The following SLC8B1 variants were observed in gnomAD, a reference collection of about 807,000 sequenced individuals.
The protein encoded by SLC8B1 is mitochondrial sodium/calcium exchanger protein.
In SLC8B1, 52 loss-of-function variants were observed where a neutral mutation model predicts 63.4. The ratio of observed to expected loss-of-function variants is 0.82; its 90% CI spans 0.66 to 1.03. The LOEUF (loss-of-function observed/expected upper bound fraction) is 1.03, where lower values mean the gene tolerates loss of function less well. SLC8B1 is among the 50% of genes least tolerant of loss of function. The pLI is 0.00. For synonymous variants in SLC8B1, 336 were observed against 323.9 expected (o/e 1.04, Z -0.40); for missense variants, 657 against 741.7 (o/e 0.89, Z 1.33).
rs78468550 is a variant in SLC8B1, at chr12:113,299,180, G to A, written c.*597C>T. ...TGGGTTCAGTGAAGTGTGTTGCCACGAATAGCACCCGCTGCTTTTGGCTTT... is the reference window on the plus strand; with the variant it reads ...TGGGTTCAGTGAAGTGTGTTGCCACAAATAGCACCCGCTGCTTTTGGCTTT... On this transcript the variant is annotated 3_prime_UTR_variant, in exon 16 of 16. Coordinates refer to ENST00000680972, the MANE Select transcript of SLC8B1 (RefSeq NM_001358345.2). 0.16 allele frequency: 25,372 copies of A among 156,150 alleles called. 2,533 individuals are homozygous for A. Among genetic ancestry groups the A allele is most frequent in the African/African-American group, 0.28 (11,848 of 41,584 alleles). The allele number at this position is 156,150 out of a possible 1,614,324, so 9.7% of individuals were successfully genotyped here.
At chr12:113,324,186 G>A (rs527411071) in intron 2 of SLC8B1, among the ~76,000 whole-genome samples, 8 of 151,996 alleles carry the variant, frequency 5.3e-5, no homozygotes, top group South Asian at 4.2e-4. Flanking sequence ...GGTGGCACAC[G>A]CCTGTGGTTC....
At chr12:113,322,957 A>G (rs115833112) in intron 2 of SLC8B1, among the ~76,000 whole-genome samples, 168 of 152,248 alleles carry the variant, frequency 1.1e-3, no homozygotes, top group African/African-American at 4.0e-3. Flanking sequence ...CTCAAAAGAA[A>G]AAAATAAAAG....
At chr12:113,308,192 C>T (rs1040190371) in intron 12 of SLC8B1, 1 of 216,086 alleles carries the variant, frequency 4.6e-6, no homozygotes, top group Non-Finnish European at 9.4e-6. Flanking sequence ...ACTAAAAATA[C>T]AAAAATTAGT....
intron 12 of SLC8B1, 173 bp from the exon 13 acceptor site, chr12:113,308,017 C>G (rs888958961): frequency 2.8e-6 from 2 of 724,886 alleles, no homozygotes; most frequent in Admixed American, 6.9e-5. Context: ...CTCAATAAAA[C>G]GTGAGTTCAA....
rs367763043 is a variant in SLC8B1 at position 113,299,992 on chromosome 12, G to A, written c.1558-18C>T. The stretch of plus-strand genomic sequence containing the variant: ...GGCTCCAGCTGTGGAAGAATGAGGG[G>A]AGAGAGGCTGAGTCACTGCCCGTCA... On this transcript the variant is annotated intron_variant, in intron 15 of 15. Transcript: ENST00000680972. 13 of 1,609,702 alleles carry A rather than the reference G, an allele frequency of 8.1e-6. No individual in the cohort carries two copies. The Middle Eastern group carries it at 6.2e-4, about 77-fold the overall frequency.
rs900821261 is a variant in SLC8B1, at chr12:113,316,437, C to T, written c.993+89G>A. 4.0e-6 allele frequency: 6 copies of T among 1,505,888 alleles called. No individual in the cohort carries two copies. In the Admixed American group the frequency reaches 1.2e-4, roughly 30 times the overall value. The allele number at this position is 1,505,888 out of a possible 1,614,324, so 93.3% of individuals were successfully genotyped here. On this transcript the variant is annotated intron_variant, in intron 10 of 15. Transcript: ENST00000680972. ...TGAGAGGGTCTCAGTGGACCCCAGG[C>T]CCTCCCCCTCGTAGAGCTGGAGAGG...
chr12:113,308,144 C>T (rs946665576), intron 12 of SLC8B1: 5 of 235,604 alleles, frequency 2.1e-5, no homozygotes, highest in African/African-American at 1.2e-4. Context: ...GTCAGGAGTT[C>T]GAGACCAACT....
In SLC8B1 at chr12:113,306,507, C is replaced by T. The variant is rs766152340; in HGVS notation, c.1480G>A (p.Gly494Ser). 1.1e-5 allele frequency: 17 copies of T among 1,612,646 alleles called. No individual in the cohort carries two copies. The highest frequency in any genetic ancestry group is 2.2e-5 in the East Asian group (1 of 44,882). Residue 494 changes from glycine (G) to serine (S), a missense_variant, in exon 14 of 16, where the codon GGC (glycine) becomes AGC (serine). Gly to Ser is a moderately conservative substitution (Grantham distance 56, BLOSUM62 0). Coordinates refer to ENST00000680972, the MANE Select transcript of SLC8B1 (RefSeq NM_001358345.2). ...CCACAAAGGATACTGAAGATGATGCCGCCAAAGCAGGCGGAGAACGCCATC... is the reference window on the plus strand; with the variant it reads ...CCACAAAGGATACTGAAGATGATGCTGCCAAAGCAGGCGGAGAACGCCATC... ...PRMAFSACFG[G>S]IIFNILVGVG...
chr12:113,332,121 C>T (rs117083482), intron 2 of SLC8B1, among the ~76,000 whole-genome samples: 2,597 of 152,280 alleles, frequency 0.017, 29 homozygotes, highest in Middle Eastern at 0.037. Flanking sequence ...TCTCCATTCG[C>T]TGGCTTGCCT....
intron 12 of SLC8B1, 32 bp downstream of exon 12, chr12:113,310,202 C>T (rs1035624772): frequency 6.2e-7 from 1 of 1,606,770 alleles, no homozygotes. Context: ...AGCATCCCTC[C>T]CCCCCCATCT....
Position 113,320,534 on chromosome 12 carries a change from C to A in SLC8B1, c.527-36G>T. ...GAGGCCAGAGCTCAGCCACCCTGCA[C>A]CCTCTCCTGCTGCTTTCCCCGCCCC... On this transcript the variant is annotated intron_variant, in intron 6 of 15. Coordinates refer to ENST00000680972, the MANE Select transcript of SLC8B1 (RefSeq NM_001358345.2). This position sits in a 1 kb window ranked among gnomAD's most constrained non-coding sequence, Gnocchi z 5.3. The A allele has an allele frequency of 6.2e-7, 1 of 1,613,926 alleles. No homozygotes were observed. The highest frequency in any genetic ancestry group is 8.5e-7 in the Non-Finnish European group (1 of 1,179,972).
intron 15 of SLC8B1, chr12:113,302,783 C>T (rs907434390): frequency 4.2e-5 from 19 of 454,686 alleles, no homozygotes; most frequent in South Asian, 2.0e-4. Context: ...TGCCTATCCT[C>T]CTCCCCATGG....
In SLC8B1 at chr12:113,332,768, GC is replaced by G. The variant is rs1235337840; in HGVS notation, c.110del (p.Ser37ThrfsTer9). The G allele has an allele frequency of 3.7e-6, 6 of 1,614,096 alleles. No individual in the cohort carries two copies. The Middle Eastern group carries it at 5.0e-4, about 133-fold the overall frequency. ...TRGSSTGAHI[S>X]PQFPASGVNQ... ...TCACACCTGAAGCTGGAAACTGGGG[GC>G]TAATGTGAGCTCCTGTAGACGAGCC... is the stretch of plus-strand genomic sequence containing the variant. On this transcript the variant is annotated frameshift_variant, in exon 2 of 16. Transcript: ENST00000680972. LOFTEE classifies it high-confidence loss of function.
intron 11 of SLC8B1, 80 bp from the exon 12 acceptor site, chr12:113,310,435 A>G: frequency 6.5e-7 from 1 of 1,539,344 alleles, no homozygotes; most frequent in Non-Finnish European, 8.7e-7. Context: ...GATGTCAGGT[A>G]GACACTTCCT....
At chr12:113,307,258 T>G (rs895233242) in intron 13 of SLC8B1, among the ~76,000 whole-genome samples, 1 of 151,350 alleles carries the variant, frequency 6.6e-6, no homozygotes, top group African/African-American at 2.4e-5. Context: ...AGGGGCTAGA[T>G]TTCAGCTCCC....
At chr12:113,313,123 CT>C (rs906802763) in intron 11 of SLC8B1, among the ~76,000 whole-genome samples, 2 of 152,094 alleles carry the variant, frequency 1.3e-5, no homozygotes, top group African/African-American at 4.8e-5. Flanking sequence ...CCAGGCTGAT[CT>C]CGAACTCCTG....
intron 11 of SLC8B1, among the ~76,000 whole-genome samples, chr12:113,313,598 G>T (rs7960684): frequency 0.15 from 22,507 of 152,054 alleles, 2,357 homozygotes; most frequent in African/African-American, 0.29. Flanking sequence ...AAAATTGGCC[G>T]GGCATGGTGG....
At chr12:113,315,990 C>T (rs755053945) in intron 10 of SLC8B1, among the ~76,000 whole-genome samples, 12 of 152,126 alleles carry the variant, frequency 7.9e-5, no homozygotes, top group Non-Finnish European at 1.3e-4. Flanking sequence ...TTTAGGAGGC[C>T]GAGGCGGGCG....
intron 2 of SLC8B1, 24 bp from the exon 3 acceptor site, chr12:113,321,372 C>T: frequency 6.2e-6 from 10 of 1,614,014 alleles, no homozygotes; most frequent in Non-Finnish European, 8.5e-6. Context: ...GGGAGGGGGA[C>T]ATCAGCGGCA....
Sources: gnomAD v4.1 joint callset for allele counts (sites outside exome capture counted in the v4.1 genomes callset) on GRCh38, gnomAD v4.1.1 for gene constraint, Gnocchi (gnomAD v3.1) non-coding constraint, MANE v1.5 for transcripts, NCBI Gene and HGNC (gene_info 2026-07-23, HGNC 2026-07-21) for gene names.